Variants in SLC17A1 observed in about 807,000 individuals in gnomAD.
SLC17A1 encodes the protein solute carrier family 17 member 1.
Under a neutral mutation model 53.5 loss-of-function variants are expected in SLC17A1, and 51 were observed. The observed-to-expected ratio is 0.95, with a 90% CI of 0.76 to 1.20. The LOEUF (loss-of-function observed/expected upper bound fraction) is 1.20. Among genes scored for constraint, SLC17A1 ranks in the 50% most tolerant of loss-of-function variants. The pLI is 0.00. For synonymous variants in SLC17A1, 179 were observed against 198.8 expected (o/e 0.90, Z 0.84); for missense variants, 538 against 568.2 (o/e 0.95, Z 0.54).
intron 12 of SLC17A1, among the ~76,000 whole-genome samples, chr6:25,783,734 C>A (rs1763317837): frequency 6.6e-6 from 1 of 151,900 alleles, no homozygotes; most frequent in Non-Finnish European, 1.5e-5. Context: ...CTTTGTAAAC[C>A]AACTTGTTAT....
intron 12 of SLC17A1, among the ~76,000 whole-genome samples, chr6:25,795,349 A>G (rs1165155): frequency 6.6e-6 from 1 of 152,006 alleles, no homozygotes; most frequent in Non-Finnish European, 1.5e-5. Flanking sequence ...GGAAGGAGAA[A>G]AAAAGCAGAA....
At chr6:25,727,117 A>G in the SLC17A1 span, 2 of 1,614,202 alleles carry the variant, frequency 1.2e-6, no homozygotes, top group Non-Finnish European at 1.7e-6. Flanking sequence ...TTCGTCACTG[A>G]TATCTTTGAG....
At chr6:25,730,452 T>C in the SLC17A1 span, among the ~76,000 whole-genome samples, 2 of 152,122 alleles carry the variant, frequency 1.3e-5, no homozygotes, top group African/African-American at 4.8e-5. Context: ...TAAAAAAAAG[T>C]TGAACTCATA....
intron 6 of SLC17A1, among the ~76,000 whole-genome samples, chr6:25,815,896 A>G (rs1385535247): frequency 1.4e-5 from 2 of 138,104 alleles, no homozygotes; most frequent in South Asian, 2.4e-4. Context: ...CTCCCCTACC[A>G]TATGAAAATG....
intron 5 of SLC17A1, 23 bp downstream of exon 5, chr6:25,819,488 C>T (rs1764472384): frequency 1.3e-6 from 2 of 1,570,130 alleles, no homozygotes; most frequent in Non-Finnish European, 1.8e-6. Flanking sequence ...AGGATTCAAA[C>T]ATTCTAGGCT....
intron 12 of SLC17A1, among the ~76,000 whole-genome samples, chr6:25,792,183 T>C (rs917024690): frequency 2.0e-5 from 3 of 152,156 alleles, no homozygotes; most frequent in African/African-American, 7.2e-5. Context: ...AACCAACCAA[T>C]CAGAGCTCAG....
intron 3 of SLC17A1, among the ~76,000 whole-genome samples, chr6:25,821,091 T>A (rs1056320336): frequency 9.2e-5 from 14 of 152,148 alleles, no homozygotes; most frequent in African/African-American, 3.4e-4. Context: ...CTTTCTCTGT[T>A]ACTTGCATAA....
the SLC17A1 span, among the ~76,000 whole-genome samples, chr6:25,764,180 G>A: frequency 0.3 from 45,372 of 151,988 alleles, 7,749 homozygotes; most frequent in East Asian, 0.74. Context: ...CATTGAGTTC[G>A]GCCTGCCACC....
chr6:25,819,041 A>G, intron 6 of SLC17A1, 27 bp downstream of exon 6: 1 of 1,468,222 alleles, frequency 6.8e-7, no homozygotes, highest in South Asian at 1.3e-5. Flanking sequence ...CTGAATAATA[A>G]CTAGGATTTT....
the SLC17A1 span, chr6:25,770,434 A>T: frequency 1.2e-6 from 2 of 1,614,116 alleles, no homozygotes; most frequent in Non-Finnish European, 1.7e-6. Flanking sequence ...GGGCTCCCCC[A>T]CTGGAAAGGA....
rs921360008 is a variant in SLC17A1 at position 25,800,942 on chromosome 6, C to A, written c.1217G>T (p.Gly406Val). ...GFIKACSTLT[G>V]MIGGLIASTL... ...GGAAGCAATTAGTCCTCCTATCATT[C>A]CAGTTAAAGTTGAACATGCTTTAAT... The change falls in exon 11 of 13, where the codon GGA (glycine) becomes GTA (valine). Residue 406 changes from glycine to valine, a missense_variant. By Grantham distance (109) the Gly-to-Val change is moderately radical. Coordinates refer to ENST00000244527, the MANE Select transcript of SLC17A1 (RefSeq NM_005074.5). 1 of 1,609,862 alleles carries A rather than the reference C, an allele frequency of 6.2e-7. No homozygotes were observed. Among genetic ancestry groups the A allele is most frequent in the Non-Finnish European group, 8.5e-7 (1 of 1,176,380 alleles).
chr6:25,803,320 G>C (rs752683456), intron 10 of SLC17A1, among the ~76,000 whole-genome samples: 1 of 151,978 alleles, frequency 6.6e-6, no homozygotes, highest in Non-Finnish European at 1.5e-5. Flanking sequence ...AGTTTGTGTA[G>C]ATCTAGTGGG....
At chr6:25,774,735 T>C in the SLC17A1 span, among the ~76,000 whole-genome samples, 1 of 151,858 alleles carries the variant, frequency 6.6e-6, no homozygotes, top group Non-Finnish European at 1.5e-5. Context: ...AAGAGGAAAA[T>C]GGGAAAATGA....
chr6:25,811,607 C>T (rs1185480868), intron 9 of SLC17A1, 31 bp downstream of exon 9: 26 of 1,613,542 alleles, frequency 1.6e-5, no homozygotes, highest in Non-Finnish European at 2.1e-5. Flanking sequence ...AAGTATCTCC[C>T]AAGTGCTTAA....
downstream of SLC17A1, chr6:25,781,181 AAAG>A (rs1159696482): frequency 1.4e-5 from 2 of 138,114 alleles, no homozygotes; most frequent in South Asian, 2.6e-4. Flanking sequence ...TAGCAGAAAG[AAAG>A]AAAGAAAGAA....
the SLC17A1 span, among the ~76,000 whole-genome samples, chr6:25,755,559 GC>G: frequency 3.1e-5 from 4 of 129,524 alleles, no homozygotes; most frequent in Admixed American, 7.5e-5. Flanking sequence ...ACAGACACAA[GC>G]AGTCTTGGCA....
chr6:25,806,114 T>A (rs1398343506), intron 10 of SLC17A1, among the ~76,000 whole-genome samples: 1 of 152,020 alleles, frequency 6.6e-6, no homozygotes, highest in Admixed American at 6.6e-5. Context: ...TGAACATAGA[T>A]GAAAAATCCT....
chr6:25,769,245 G>T, the SLC17A1 span: 1 of 1,496,774 alleles, frequency 6.7e-7, no homozygotes, highest in Non-Finnish European at 9.2e-7. Context: ...TTGACTTAAA[G>T]AGTTATAAAA....
the SLC17A1 span, among the ~76,000 whole-genome samples, chr6:25,775,188 C>A: frequency 0.031 from 4,722 of 151,866 alleles, 110 homozygotes; most frequent in Middle Eastern, 0.078. Flanking sequence ...AAAAATTAGC[C>A]AGGTGTTGTG....
Sources: allele counts gnomAD v4.1 joint callset (sites outside exome capture counted in the v4.1 genomes callset), GRCh38; gene constraint gnomAD v4.1.1; transcripts MANE v1.5; gene names NCBI Gene and HGNC (gene_info 2026-07-23, HGNC 2026-07-21).